Variants in RELN observed in about 807,000 individuals in gnomAD.
RELN encodes the protein reelin.
Under a neutral mutation model 427.6 loss-of-function variants are expected in RELN, and 108 were observed. The ratio of observed to expected loss-of-function variants is 0.25; its 90% confidence interval spans 0.22 to 0.30. The LOEUF (loss-of-function observed/expected upper bound fraction) is 0.30. Ranked by LOEUF, RELN falls within the 10% of genes least tolerant of loss-of-function variation. RELN has a pLI of 1.00. For missense variants in RELN, 3,715 were observed against 4,302.8 expected (o/e 0.86, Z 3.82); for synonymous variants, 1,524 against 1,513.4 (o/e 1.01, Z -0.16).
chr7:103,956,786 T>C (rs977202023), intron 1 of RELN, among the ~76,000 whole-genome samples: 6 of 152,202 alleles, frequency 3.9e-5, no homozygotes, highest in African/African-American at 1.4e-4. Flanking sequence ...AGTGTAGTCC[T>C]GGACCAAAAA....
At chr7:103,775,556 T>C (rs1791717094) in intron 4 of RELN, among the ~76,000 whole-genome samples, 1 of 152,144 alleles carries the variant, frequency 6.6e-6, no homozygotes, top group Non-Finnish European at 1.5e-5. Context: ...AGAGAGAAAA[T>C]TAATAGAAAT....
intron 22 of RELN, among the ~76,000 whole-genome samples, chr7:103,607,162 T>A (rs1378628080): frequency 5.9e-5 from 9 of 151,580 alleles, no homozygotes; most frequent in Non-Finnish European, 1.3e-4. Context: ...AGTTAATGGG[T>A]GCAGCACACC....
At chr7:103,483,121 C>A in intron 62 of RELN, 150 bp from the exon 63 acceptor site, 1 of 706,716 alleles carries the variant, frequency 1.4e-6, no homozygotes, top group Non-Finnish European at 2.5e-6. Flanking sequence ...TCATAGTATT[C>A]TTCTGAGCAG....
chr7:103,557,361 A>G (rs1562889671), intron 37 of RELN, among the ~76,000 whole-genome samples: 1 of 152,196 alleles, frequency 6.6e-6, no homozygotes, highest in Non-Finnish European at 1.5e-5. Flanking sequence ...CAAAGCTTGG[A>G]TTTGCACACA....
In RELN at chr7:103,472,263, A is replaced by G. The variant is rs1827883230; in HGVS notation, c.*549T>C. 1 of 160,710 alleles carries G rather than the reference A, an allele frequency of 6.2e-6. No homozygotes were observed. The highest frequency in any genetic ancestry group is 1.4e-5 in the Non-Finnish European group (1 of 72,638). The allele number at this position is 160,710 out of a possible 1,614,324, so 10.0% of individuals were successfully genotyped here. A position where few individuals can be genotyped will look rare whatever the true frequency, so the allele number is the denominator to read the frequency against. ...ACTATCTTCTTGAATAGGTATTTCAATTAATTTTCTGCAGAATATAAGTAG... is the reference window on the plus strand; with the variant it reads ...ACTATCTTCTTGAATAGGTATTTCAGTTAATTTTCTGCAGAATATAAGTAG... On this transcript the variant is annotated 3_prime_UTR_variant, in exon 65 of 65. Transcript: ENST00000428762.
At chr7:103,752,942 G>T (rs941080360) in intron 5 of RELN, among the ~76,000 whole-genome samples, 2 of 151,942 alleles carry the variant, frequency 1.3e-5, no homozygotes, top group African/African-American at 4.8e-5. Flanking sequence ...AGGATCTCAG[G>T]GCTGAGGGTA....
chr7:103,555,778 CT>C (rs1229392434), intron 38 of RELN, among the ~76,000 whole-genome samples: 1 of 152,104 alleles, frequency 6.6e-6, no homozygotes, highest in Admixed American at 6.6e-5. Context: ...TGGCACATTC[CT>C]TTTTTGGACT....
intron 3 of RELN, among the ~76,000 whole-genome samples, chr7:103,796,156 T>C (rs1404431): frequency 0.19 from 28,913 of 152,182 alleles, 2,964 homozygotes; most frequent in East Asian, 0.31. Flanking sequence ...GAACTGAGTG[T>C]ATGTACTCAA....
intron 22 of RELN, among the ~76,000 whole-genome samples, chr7:103,606,413 T>C (rs1831821580): frequency 6.6e-6 from 1 of 152,208 alleles, no homozygotes; most frequent in Non-Finnish European, 1.5e-5. Context: ...AGGACCCTGG[T>C]TCTGCAACTT....
chr7:103,544,361 T>C lies in RELN; in HGVS notation c.6523+763A>G, dbSNP rs1036494064. 4.2e-4 allele frequency among the ~76,000 whole-genome samples: 63 copies of C among 149,902 alleles called. 1 individual carries two copies. Among genetic ancestry groups the C allele is most frequent in the African/African-American group, 1.5e-3 (62 of 40,710 alleles). ...TCAAGCGAATCACCTCCCGAGTAGC[T>C]GGGATTACAAGTGCCTGCCAGCGTG... On this transcript the variant is annotated intron_variant, in intron 42 of 64. Coordinates refer to ENST00000428762, the MANE Select transcript of RELN (RefSeq NM_005045.4).
intron 6 of RELN, among the ~76,000 whole-genome samples, chr7:103,735,754 T>C (rs1202762995): frequency 6.6e-6 from 1 of 152,150 alleles, no homozygotes; most frequent in Non-Finnish European, 1.5e-5. Context: ...TCATTTGAGA[T>C]ACATGTAATT....
rs1440554791 is a variant in RELN at position 103,633,454 on chromosome 7, G to A, written c.2465+1971C>T. Among the ~76,000 whole-genome samples the A allele has an allele frequency of 2.6e-5, 4 of 151,488 alleles. No individual in the cohort carries two copies. The South Asian group carries it at 8.3e-4, about 32-fold the overall frequency. ...TGTAAGAGAGAGGGGGCGGGAGGAA[G>A]AATCTCATGGACAGAGATAAATATA... On this transcript the variant is annotated intron_variant, in intron 19 of 64. Coordinates refer to ENST00000428762, the MANE Select transcript of RELN (RefSeq NM_005045.4).
chr7:103,779,403 T>C (rs959163070), intron 3 of RELN, among the ~76,000 whole-genome samples: 1 of 152,210 alleles, frequency 6.6e-6, no homozygotes. Context: ...ATATACTTAC[T>C]GTTATTCTAA....
chr7:103,803,034 G>A (rs1412996141), intron 3 of RELN, among the ~76,000 whole-genome samples: 3 of 152,176 alleles, frequency 2.0e-5, no homozygotes, highest in South Asian at 2.1e-4. Context: ...CTATTTCAAA[G>A]TGAATTTACA....
At chr7:103,860,092 C>A (rs548576586) in intron 2 of RELN, among the ~76,000 whole-genome samples, 4 of 152,274 alleles carry the variant, frequency 2.6e-5, no homozygotes, top group Admixed American at 2.6e-4. Flanking sequence ...TTAAATCAGT[C>A]ATACGTTGTT....
At chr7:103,556,875 G>T in intron 38 of RELN, 102 bp downstream of exon 38, 1 of 942,604 alleles carries the variant, frequency 1.1e-6, no homozygotes, top group Non-Finnish European at 1.8e-6. Context: ...GCTGTGGACA[G>T]CTAAGCTGCT....
At position 103,603,215 on chromosome 7, in the gene RELN, G is replaced by A. The variant is rs2117270774; in HGVS notation, c.3333+89C>T. ...AAAGCGGGGAACGTGGGGAACAATAGAACCACTTCATATTTGTACATTTGG... is the reference window on the plus strand; with the variant it reads ...AAAGCGGGGAACGTGGGGAACAATAAAACCACTTCATATTTGTACATTTGG... On this transcript the variant is annotated intron_variant, in intron 24 of 64. Transcript: ENST00000428762. This position sits in a 1 kb window ranked among gnomAD's most constrained non-coding sequence, Gnocchi z 4.3. 9.1e-7 allele frequency: 1 copy of A among 1,097,006 alleles called. No individual in the cohort carries two copies. The highest frequency in any genetic ancestry group is 1.3e-5 in the South Asian group (1 of 79,970). The allele number at this position is 1,097,006 out of a possible 1,614,324, so 68.0% of individuals were successfully genotyped here.
At chr7:103,491,120 G>A (rs1336955705) in intron 58 of RELN, among the ~76,000 whole-genome samples, 1 of 152,194 alleles carries the variant, frequency 6.6e-6, no homozygotes, top group Non-Finnish European at 1.5e-5. Flanking sequence ...ACCTGGAGTT[G>A]AATGACAAAA....
At chr7:103,971,616 C>T (rs1024115228) in intron 1 of RELN, among the ~76,000 whole-genome samples, 5 of 152,096 alleles carry the variant, frequency 3.3e-5, no homozygotes, top group African/African-American at 1.2e-4. Flanking sequence ...AGACAGGCTG[C>T]CTGACAAAAT....
Sources: gnomAD v4.1 joint callset for allele counts (sites outside exome capture counted in the v4.1 genomes callset) on GRCh38, gnomAD v4.1.1 for gene constraint, Gnocchi (gnomAD v3.1) non-coding constraint, MANE v1.5 for transcripts, NCBI Gene and HGNC (gene_info 2026-07-23, HGNC 2026-07-21) for gene names.